The following NTM variants were observed in gnomAD, a reference collection of about 807,000 sequenced individuals.
The protein encoded by NTM is IgLON family member 2.
In NTM, 13 loss-of-function variants were observed where a neutral mutation model predicts 42.1. The ratio of observed to expected loss-of-function variants is 0.31; its 90% CI spans 0.20 to 0.49. NTM has a LOEUF of 0.49. NTM is among the 20% of genes least tolerant of loss of function. The pLI is 0.99. For synonymous variants in NTM, 187 were observed against 179.2 expected (o/e 1.04, Z -0.35); for missense variants, 373 against 452.8 (o/e 0.82, Z 1.60).
intron 1 of NTM, among the ~76,000 whole-genome samples, chr11:131,724,757 T>C (rs1198694424): frequency 6.6e-6 from 1 of 152,142 alleles, no homozygotes; most frequent in Non-Finnish European, 1.5e-5. Flanking sequence ...TCAGCTGTCA[T>C]GCTGGGGTGC....
intron 1 of NTM, among the ~76,000 whole-genome samples, chr11:131,734,349 A>T (rs949960462): frequency 4.6e-5 from 7 of 151,946 alleles, no homozygotes; most frequent in Non-Finnish European, 8.8e-5. Flanking sequence ...ATTGCCCTTG[A>T]CCCTTTCTGA....
chr11:132,101,399 C>T (rs1468160430), intron 2 of NTM, among the ~76,000 whole-genome samples: 6 of 152,166 alleles, frequency 3.9e-5, no homozygotes, highest in East Asian at 1.9e-4. Flanking sequence ...CTCCTCAATA[C>T]GATAACCAGG....
chr11:132,001,886 G>A (rs1946370916), intron 2 of NTM, among the ~76,000 whole-genome samples: 1 of 152,076 alleles, frequency 6.6e-6, no homozygotes, highest in African/African-American at 2.4e-5. Flanking sequence ...AAACAATGAT[G>A]GATGTAGAGG....
Position 131,908,243 on chromosome 11 carries a change from G to A in NTM, c.83-3321G>A, listed in dbSNP as rs530016793. On this transcript the variant is annotated intron_variant, in intron 1 of 8. Coordinates refer to ENST00000683400, the MANE Select transcript of NTM (RefSeq NM_001352005.2). ...AAACATCTCAAAGAGCCTGTAAGAA[G>A]AATTATTTTCTTGCCCAGACATACT... Among the ~76,000 whole-genome samples, 4 of 152,314 alleles carry A rather than the reference G, an allele frequency of 2.6e-5. No homozygotes were observed. The South Asian group carries it at 6.2e-4, about 24-fold the overall frequency.
intron 1 of NTM, among the ~76,000 whole-genome samples, chr11:131,654,622 C>T (rs1021471336): frequency 2.6e-5 from 4 of 152,078 alleles, no homozygotes; most frequent in South Asian, 2.1e-4. Context: ...GTAATGGGAG[C>T]GGATTCTTCG....
At position 131,677,418 on chromosome 11, in the gene NTM, A is replaced by G. The variant is rs994566623; in HGVS notation, c.83-234146A>G. On this transcript the variant is annotated intron_variant, in intron 1 of 8. Coordinates refer to ENST00000683400, the MANE Select transcript of NTM (RefSeq NM_001352005.2). The stretch of plus-strand genomic sequence containing the variant: ...CAATCGTTTATTATTTATTTTTAAC[A>G]TATCAGCGAGGTGCCTGAAGCTAGA... 3.9e-5 allele frequency among the ~76,000 whole-genome samples: 6 copies of G among 152,336 alleles called. No homozygotes were observed. In the East Asian group the frequency reaches 9.7e-4, roughly 25 times the overall value.
At chr11:131,922,426 C>T (rs922423412) in intron 2 of NTM, among the ~76,000 whole-genome samples, 1 of 152,218 alleles carries the variant, frequency 6.6e-6, no homozygotes, top group Non-Finnish European at 1.5e-5. Context: ...CCAGCCAGTA[C>T]CCTTGACGCA....
intron 1 of NTM, among the ~76,000 whole-genome samples, chr11:131,587,069 C>T (rs79462653): frequency 6.6e-6 from 1 of 152,286 alleles, no homozygotes; most frequent in East Asian, 1.9e-4. Context: ...GTCATTACTC[C>T]ACGTGACTTG....
intron 4 of NTM, among the ~76,000 whole-genome samples, chr11:132,286,779 C>A (rs1276096910): frequency 6.6e-6 from 1 of 152,172 alleles, no homozygotes; most frequent in Non-Finnish European, 1.5e-5. Flanking sequence ...TCCACCTGAC[C>A]ACCATGACAA....
intron 1 of NTM, among the ~76,000 whole-genome samples, chr11:131,785,118 A>C (rs2088908267): frequency 6.6e-6 from 1 of 152,188 alleles, no homozygotes. Context: ...AAAGAAAAGA[A>C]AACCTGCAAG....
intron 3 of NTM, among the ~76,000 whole-genome samples, chr11:132,157,796 T>A (rs772330644): frequency 2.0e-5 from 3 of 152,154 alleles, no homozygotes; most frequent in Non-Finnish European, 4.4e-5. Context: ...CCTCCTGGAG[T>A]CTTGCCATCT....
At chr11:131,918,109 T>C (rs184812898) in intron 2 of NTM, among the ~76,000 whole-genome samples, 15 of 152,268 alleles carry the variant, frequency 9.9e-5, no homozygotes, top group Admixed American at 9.8e-4. Flanking sequence ...GTCAACCACC[T>C]GGTTTTACAG....
chr11:131,675,669 C>G (rs1441322462), intron 1 of NTM, among the ~76,000 whole-genome samples: 3 of 152,156 alleles, frequency 2.0e-5, no homozygotes, highest in South Asian at 2.1e-4. Context: ...GACTCCAAAG[C>G]TTGTACATTT....
intron 1 of NTM, among the ~76,000 whole-genome samples, chr11:131,476,876 C>T (rs1952999877): frequency 6.6e-6 from 1 of 151,364 alleles, no homozygotes; most frequent in African/African-American, 2.4e-5. Context: ...ATGATGACGT[C>T]CAGCCTTCAC....
intron 1 of NTM, among the ~76,000 whole-genome samples, chr11:131,419,128 G>T (rs528286435): frequency 6.6e-6 from 1 of 151,216 alleles, no homozygotes; most frequent in African/African-American, 2.4e-5. Context: ...ACCATGAACT[G>T]AGTTGAAGCT....
At chr11:131,875,926 A>G (rs2048473582) in intron 1 of NTM, among the ~76,000 whole-genome samples, 1 of 152,202 alleles carries the variant, frequency 6.6e-6, no homozygotes, top group Non-Finnish European at 1.5e-5. Context: ...GAGTGGTGGC[A>G]GAGGCAGCGA....
intron 4 of NTM, among the ~76,000 whole-genome samples, chr11:132,214,056 A>T (rs1167927847): frequency 6.6e-6 from 1 of 152,154 alleles, no homozygotes; most frequent in Non-Finnish European, 1.5e-5. Flanking sequence ...TGACACTGTA[A>T]CTGTGAACAA....
At chr11:131,746,228 A>G (rs1254463965) in intron 1 of NTM, among the ~76,000 whole-genome samples, 1 of 152,158 alleles carries the variant, frequency 6.6e-6, no homozygotes, top group Non-Finnish European at 1.5e-5. Flanking sequence ...GGCTGGTGAG[A>G]TTTAATTCAT....
chr11:132,039,786 T>G (rs1417442074), intron 2 of NTM, among the ~76,000 whole-genome samples: 3 of 152,164 alleles, frequency 2.0e-5, no homozygotes, highest in East Asian at 3.9e-4. Context: ...ATATTGCAGA[T>G]GTAACCAAGT....
Sources: gnomAD v4.1 joint callset for allele counts (sites outside exome capture counted in the v4.1 genomes callset) on GRCh38, gnomAD v4.1.1 for gene constraint, MANE v1.5 for transcripts, NCBI Gene and HGNC (gene_info 2026-07-23, HGNC 2026-07-21) for gene names.